The following CLEC3A variants were observed in gnomAD, a reference collection of about 807,000 sequenced individuals.
CLEC3A encodes C-type (calcium dependent, carbohydrate-recognition domain) lectin, superfamily member 1 (cartilage-derived).
Under a neutral mutation model 20.4 loss-of-function variants are expected in CLEC3A, and 28 were observed. The observed-to-expected ratio is 1.37, with a 90% CI of 1.02 to 1.88. CLEC3A has a LOEUF of 1.88. Ranked by LOEUF, CLEC3A falls within the 40% of genes most tolerant of loss-of-function variation. The probability of loss-of-function intolerance (pLI) is 0.00; values close to 1 mark genes in which losing one functional copy is unlikely to be tolerated. For synonymous variants in CLEC3A, 110 were observed against 88.1 expected (o/e 1.25, Z -1.39); for missense variants, 357 against 240.4 (o/e 1.48, Z -3.21).
intron 1 of CLEC3A, among the ~76,000 whole-genome samples, chr16:78,026,157 G>A (rs1305785430): frequency 6.6e-6 from 1 of 152,206 alleles, no homozygotes; most frequent in Non-Finnish European, 1.5e-5. Context: ...GATGCTTTGA[G>A]AACTGATGTG....
At chr16:78,030,332 G>A in intron 2 of CLEC3A, 115 bp from the exon 3 acceptor site, 1 of 939,954 alleles carries the variant, frequency 1.1e-6, no homozygotes. Flanking sequence ...TTTAACTGTT[G>A]TCTCATCATT....
chr16:78,030,347 T>C (rs2030055403), intron 2 of CLEC3A, 100 bp from the exon 3 acceptor site: 10 of 1,053,760 alleles, frequency 9.5e-6, no homozygotes, highest in African/African-American at 1.6e-5. Context: ...ATCATTATCA[T>C]ACTTCATTCC....
At chr16:78,028,308 G>T (rs1404780574) in intron 2 of CLEC3A, 118 bp downstream of exon 2, 4 of 663,058 alleles carry the variant, frequency 6.0e-6, no homozygotes, top group Admixed American at 3.7e-5. Flanking sequence ...TGGCCAATAA[G>T]AGGGCCCCAA....
At chr16:78,030,370 T>G (rs2030056146) in intron 2 of CLEC3A, 77 bp from the exon 3 acceptor site, 2 of 1,259,214 alleles carry the variant, frequency 1.6e-6, no homozygotes, top group South Asian at 2.9e-5. Flanking sequence ...AAATACTTAT[T>G]GCTATTTGCC....
intron 1 of CLEC3A, among the ~76,000 whole-genome samples, chr16:78,025,881 G>C (rs372529339): frequency 6.6e-6 from 1 of 152,162 alleles, no homozygotes; most frequent in South Asian, 2.1e-4. Context: ...CAATTCATGT[G>C]TCTTCATGTT....
chr16:78,024,896 G>A (rs1177403260), intron 1 of CLEC3A, among the ~76,000 whole-genome samples: 6 of 151,826 alleles, frequency 4.0e-5, no homozygotes, highest in Middle Eastern at 3.4e-3. Context: ...GTGTGATCTC[G>A]GCTCACTGCA....
rs189961907 is a variant in CLEC3A, at chr16:78,028,170, A to G, written c.179A>G (p.Glu60Gly). ...TGGACAGAAGTCAATGCCTTGAAGG[A>G]AATTCAAGCCCTGCAGACAGGTAAG... is the stretch of plus-strand genomic sequence containing the variant. Reference protein sequence around the residue: ...KLWTEVNALKEIQALQTVCLR... With the variant: ...KLWTEVNALKGIQALQTVCLR... The change falls in exon 2 of 3, where the codon GAA becomes GGA. Residue 60 changes from glutamate (E) to glycine (G), a missense_variant. By Grantham distance (98) the Glu-to-Gly change is moderately conservative. Transcript: ENST00000299642. The G allele has an allele frequency of 2.5e-6, 4 of 1,609,998 alleles. No homozygotes were observed. In the African/African-American group the frequency reaches 5.4e-5, roughly 22 times the overall value.
At chr16:78,022,857 A>C in intron 1 of CLEC3A, 116 bp downstream of exon 1, 1 of 1,059,112 alleles carries the variant, frequency 9.4e-7, no homozygotes, top group Non-Finnish European at 1.4e-6. Context: ...GCACCATGCC[A>C]TCATCCCTAT....
intron 1 of CLEC3A, 109 bp downstream of exon 1, chr16:78,022,850 C>G: frequency 9.0e-7 from 1 of 1,115,244 alleles, no homozygotes; most frequent in East Asian, 2.6e-5. Context: ...GGTGATGGCA[C>G]CATGCCATCA....
At chr16:78,029,667 A>AT (rs912969451) in intron 2 of CLEC3A, among the ~76,000 whole-genome samples, 120 of 150,324 alleles carry the variant, frequency 8.0e-4, no homozygotes, top group East Asian at 6.1e-3. Flanking sequence ...CACGCCAAGC[A>AT]TTTTTTTTTT....
At position 78,030,454 on chromosome 16, in the gene CLEC3A, C is replaced by T; in HGVS notation, c.207C>T (p.Leu69=). ...KEIQALQTVC[L]RGTKVHKKCY... is the part of the protein sequence containing the mutation. ...CACTTCACATCTTCACAGTCTGTCT[C>T]CGAGGCACTAAAGTTCACAAGAAAT... Residue 69 remains leucine (L), a synonymous_variant, in exon 3 of 3, where the codon CTC becomes CTT. Coordinates refer to ENST00000299642, the MANE Select transcript of CLEC3A (RefSeq NM_005752.6). 1 of 1,602,752 alleles carries T rather than the reference C, an allele frequency of 6.2e-7. No individual in the cohort carries two copies. The highest frequency in any genetic ancestry group is 8.5e-7 in the Non-Finnish European group (1 of 1,173,196).
rs919511565 is a variant in CLEC3A, at chr16:78,030,107, G to C, written c.200-340G>C. Among the ~76,000 whole-genome samples, 22 of 147,148 alleles carry C rather than the reference G, an allele frequency of 1.5e-4. 1 individual carries two copies. Among genetic ancestry groups the C allele is most frequent in the East Asian group, 4.0e-4 (2 of 4,972 alleles). On this transcript the variant is annotated intron_variant, in intron 2 of 2. Transcript: ENST00000299642. ...GGCGGAGCTTGCAGTGAGCCGAGAT[G>C]GCGCCACTGCACTCCAGCCTGGGCG...
chr16:78,031,056 G>A lies in CLEC3A; in HGVS notation c.*215G>A. The A allele has an allele frequency of 7.6e-6, 4 of 524,358 alleles. No homozygotes were observed. The highest frequency in any genetic ancestry group is 1.3e-5 in the Non-Finnish European group (4 of 301,848). The allele number at this position is 524,358 out of a possible 1,614,324, so 32.5% of individuals were successfully genotyped here. ...TAGGGGATCAGAAATATTGATCCAT[G>A]TGCACGCAGATAAAATGGCTTCTGC... On this transcript the variant is annotated 3_prime_UTR_variant, in exon 3 of 3. Coordinates refer to ENST00000299642, the MANE Select transcript of CLEC3A (RefSeq NM_005752.6).
chr16:78,030,312 C>G, intron 2 of CLEC3A, 135 bp from the exon 3 acceptor site: 1 of 783,656 alleles, frequency 1.3e-6, no homozygotes, highest in South Asian at 1.8e-5. Flanking sequence ...TTGTCCGGCA[C>G]ATAGAAAATT....
At chr16:78,024,283 G>T (rs77632817) in intron 1 of CLEC3A, among the ~76,000 whole-genome samples, 3,141 of 152,228 alleles carry the variant, frequency 0.021, 40 homozygotes, top group Middle Eastern at 0.034. Context: ...TCACCCAGTA[G>T]GAATGTGTGA....
chr16:78,031,014 T>C lies in CLEC3A; in HGVS notation c.*173T>C, dbSNP rs539458744. On this transcript the variant is annotated 3_prime_UTR_variant, in exon 3 of 3. Transcript: ENST00000299642. ...TTTGCTAACACATTTCTTTGGGATT[T>C]TGCCCTTCCTGGGGTATAGGGGATC... The C allele has an allele frequency of 1.4e-6, 1 of 698,644 alleles. No individual in the cohort carries two copies. Among genetic ancestry groups the C allele is most frequent in the African/African-American group, 1.8e-5 (1 of 55,658 alleles). 43.3% of individuals were successfully genotyped at this position (698,644 alleles called of 1,614,324 possible).
rs1417819305 is a variant in CLEC3A at position 78,030,620 on chromosome 16, G to T, written c.373G>T (p.Val125Phe). 1.3e-5 allele frequency: 21 copies of T among 1,614,000 alleles called. No homozygotes were observed. Among genetic ancestry groups the T allele is most frequent in the Non-Finnish European group, 1.8e-5 (21 of 1,180,024 alleles). Residue 125 changes from valine (V) to phenylalanine (F), a missense_variant, in exon 3 of 3, where the codon GTC becomes TTC. By Grantham distance (50) the Val-to-Phe change is conservative. Transcript: ENST00000299642. Reference sequence around the variant, plus strand: ...CTATGGTAAAAGGAGCCTGCCAGGTGTCAATGACTTTTGGCTGGGCATCAA... The same window carrying T: ...CTATGGTAAAAGGAGCCTGCCAGGTTTCAATGACTTTTGGCTGGGCATCAA... ...QDYGKRSLPG[V>F]NDFWLGINDM...
chr16:78,024,953 A>G (rs540896439), intron 1 of CLEC3A, among the ~76,000 whole-genome samples: 18 of 152,096 alleles, frequency 1.2e-4, no homozygotes, highest in Non-Finnish European at 1.6e-4. Flanking sequence ...CAGCCTCTCA[A>G]GTAGCTGGGA....
chr16:78,027,492 C>A (rs964622139), intron 1 of CLEC3A, among the ~76,000 whole-genome samples: 1 of 152,202 alleles, frequency 6.6e-6, no homozygotes, highest in Non-Finnish European at 1.5e-5. Flanking sequence ...TGAAAGTCAA[C>A]AAGCCTAGAG....
Sources: allele counts gnomAD v4.1 joint callset (sites outside exome capture counted in the v4.1 genomes callset), GRCh38; gene constraint gnomAD v4.1.1; transcripts MANE v1.5; gene names NCBI Gene and HGNC (gene_info 2026-07-23, HGNC 2026-07-21).